LDB1: variants seen among roughly 807,000 people sequenced by gnomAD.
The protein encoded by LDB1 is LIM domain binding 1, also known as LIM domain-binding protein 1.
Under a neutral mutation model 49.7 loss-of-function variants are expected in LDB1, and 6 were observed. The observed-to-expected ratio is 0.12, with a 90% confidence interval of 0.07 to 0.24. The LOEUF is 0.24. LDB1 is among the 10% of genes least tolerant of loss of function. LDB1 has a pLI of 1.00. For missense variants in LDB1, 341 were observed against 561.7 expected (o/e 0.61, Z 3.97); for synonymous variants, 233 against 202.0 (o/e 1.15, Z -1.30).
chr10:102,119,297 C>A (rs1196171189), intron 1 of LDB1, among the ~76,000 whole-genome samples: 1 of 149,420 alleles, frequency 6.7e-6, no homozygotes, highest in Non-Finnish European at 1.5e-5. Flanking sequence ...AGACGCCCTC[C>A]GCCCCCCCCA....
chr10:102,109,375 G>A lies in LDB1; in HGVS notation c.856+9C>T, dbSNP rs2068216849. On this transcript the variant is annotated intron_variant, in intron 9 of 10. Transcript: ENST00000673968. The surrounding 1 kb of genome is among the most constrained non-coding windows in gnomAD (Gnocchi z 5.8). ...GAGATCCTGGTAAGAGCAGGTGCAA[G>A]GCACTCACCAGGGGGTGCTACCATG... 6.2e-7 allele frequency: 1 copy of A among 1,613,866 alleles called. No individual in the cohort carries two copies. The highest frequency in any genetic ancestry group is 1.3e-5 in the African/African-American group (1 of 74,920).
chr10:102,110,672 A>G lies in LDB1; in HGVS notation c.382T>C (p.Phe128Leu). The change falls in exon 6 of 11, where the codon TTC (phenylalanine) becomes CTC (leucine). Residue 128 changes from phenylalanine to leucine, a missense_variant. Transcript: ENST00000673968. ...GCACCCCCCTCAAAGATGCTGCGGA[A>G]GTAGCGTGGGATCAGGGTCCGGCCA... The part of the protein sequence containing the change: ...TIGRTLIPRY[F>L]RSIFEGGATE... 1 of 1,613,756 alleles carries G rather than the reference A, an allele frequency of 6.2e-7. No individual in the cohort carries two copies. Among genetic ancestry groups the G allele is most frequent in the Non-Finnish European group, 8.5e-7 (1 of 1,179,774 alleles).
chr10:102,115,037 C>T (rs1180022726), intron 1 of LDB1: 1 of 163,426 alleles, frequency 6.1e-6, no homozygotes, highest in African/African-American at 2.4e-5. Context: ...GGAGCTGCCC[C>T]CACCGGCCCC....
At chr10:102,110,457 G>A in intron 6 of LDB1, 72 bp downstream of exon 6, 1 of 1,468,818 alleles carries the variant, frequency 6.8e-7, no homozygotes, top group South Asian at 1.3e-5. Context: ...ACAGCTGTGA[G>A]TATACACTGG....
At chr10:102,116,230 G>A (rs1389650958) in intron 1 of LDB1, among the ~76,000 whole-genome samples, 2 of 152,170 alleles carry the variant, frequency 1.3e-5, no homozygotes, top group African/African-American at 4.8e-5. Flanking sequence ...TGCTTAGGCT[G>A]GAGTGCAGTG....
chr10:102,109,096 T>G lies in LDB1; in HGVS notation c.938A>C (p.Asn313Thr), dbSNP rs751055946. ...CTTCTTGCTGTTGCTGTTGTTGGTGTTGCCACCACCAGAGCTCATGGTGCT... is the reference window on the plus strand; with the variant it reads ...CTTCTTGCTGTTGCTGTTGTTGGTGGTGCCACCACCAGAGCTCATGGTGCT... ...GGSTMSSGGG[N>T]TNNSNSKKKS... The change falls in exon 10 of 11, where the codon AAC becomes ACC. Residue 313 changes from asparagine to threonine, a missense_variant. By Grantham distance (65) the Asn-to-Thr change is moderately conservative (BLOSUM62 0). Transcript: ENST00000673968. The surrounding 1 kb of genome is among the most constrained non-coding windows in gnomAD (Gnocchi z 5.8). 5.0e-6 allele frequency: 8 copies of G among 1,614,044 alleles called. No homozygotes were observed. Among genetic ancestry groups the G allele is most frequent in the Non-Finnish European group, 6.8e-6 (8 of 1,180,034 alleles).
intron 1 of LDB1, among the ~76,000 whole-genome samples, chr10:102,111,949 A>C (rs1590284696): frequency 6.6e-6 from 1 of 152,066 alleles, no homozygotes; most frequent in East Asian, 1.9e-4. Context: ...CCCTGGCCTG[A>C]TTATAAGAGA....
chr10:102,103,994 A>C (rs2068136606), downstream of LDB1, among the ~76,000 whole-genome samples: 1 of 151,362 alleles, frequency 6.6e-6, no homozygotes, highest in Non-Finnish European at 1.5e-5. Flanking sequence ...ACTAGGAGGC[A>C]GAGGTTGCAG....
At chr10:102,114,812 G>GGGGGGCCCCCCCC in intron 1 of LDB1, 61 of 929,740 alleles carry the variant, frequency 6.6e-5, no homozygotes, top group South Asian at 9.9e-5. Flanking sequence ...CCTCCGAGCA[G>GGGGGGCCCCCCCC]CCCGCCCGCC....
At chr10:102,108,389 AC>A in intron 10 of LDB1, 66 bp from the exon 11 acceptor site, 4 of 1,314,702 alleles carry the variant, frequency 3.0e-6, no homozygotes, top group East Asian at 4.9e-5. Context: ...GGCGGCAGAT[AC>A]CCCCAGAGCC....
chr10:102,119,090 A>G (rs2068369976), intron 1 of LDB1, among the ~76,000 whole-genome samples: 1 of 152,130 alleles, frequency 6.6e-6, no homozygotes, highest in African/African-American at 2.4e-5. Context: ...GTGGGTGTCC[A>G]GCTGTGAAGT....
intron 1 of LDB1, among the ~76,000 whole-genome samples, chr10:102,115,562 A>C (rs537972015): frequency 2.6e-5 from 4 of 151,470 alleles, no homozygotes; most frequent in African/African-American, 9.7e-5. Context: ...GCTAAATTCC[A>C]AGCCTTGACT....
rs780666243 is a variant in LDB1 at position 102,109,108 on chromosome 10, G to A, written c.926C>T (p.Ser309Phe). 2 of 1,614,188 alleles carry A rather than the reference G, an allele frequency of 1.2e-6. No individual in the cohort carries two copies. The highest frequency in any genetic ancestry group is 1.7e-6 in the Non-Finnish European group (2 of 1,180,036). The change falls in exon 10 of 11, where the codon TCT (serine) becomes TTT (phenylalanine). Residue 309 changes from serine to phenylalanine, a missense_variant. Around this residue, in one of 5 missense-constraint regions of LDB1, gnomAD observed 233 missense variants for 385.7 expected, o/e 0.60. Coordinates refer to ENST00000673968, the MANE Select transcript of LDB1 (RefSeq NM_001113407.3). The surrounding 1 kb of genome is among the most constrained non-coding windows in gnomAD (Gnocchi z 5.8). ...RKMSGGSTMS[S>F]GGGNTNNSNS... ...GCTGTTGTTGGTGTTGCCACCACCA[G>A]AGCTCATGGTGCTGCCCCCTGACAT...
intron 1 of LDB1, among the ~76,000 whole-genome samples, chr10:102,116,056 G>C (rs899808610): frequency 6.6e-6 from 1 of 152,128 alleles, no homozygotes; most frequent in African/African-American, 2.4e-5. Flanking sequence ...TCCAAGGACA[G>C]GATTTCTTAT....
At chr10:102,108,881 C>G in intron 10 of LDB1, 148 bp downstream of exon 10, 1 of 1,047,782 alleles carries the variant, frequency 9.5e-7, no homozygotes, top group South Asian at 1.4e-5. Context: ...AGAACTCTCT[C>G]ACCAGTAAAA....
At position 102,107,874 on chromosome 10, in the gene LDB1, C is replaced by T; in HGVS notation, c.*219G>A. On this transcript the variant is annotated 3_prime_UTR_variant, in exon 11 of 11. Coordinates refer to ENST00000673968, the MANE Select transcript of LDB1 (RefSeq NM_001113407.3). The stretch of plus-strand genomic sequence containing the variant: ...CCAAGTAGGCATCCACATGAGTACC[C>T]CCTCCCCCTAAAAGGCTCTGTAGAG... The T allele has an allele frequency of 1.7e-6, 1 of 591,972 alleles. No individual in the cohort carries two copies. The highest frequency in any genetic ancestry group is 3.0e-6 in the Non-Finnish European group (1 of 331,666). The allele number at this position is 591,972 out of a possible 1,614,324, so 36.7% of individuals were successfully genotyped here. A position where few individuals can be genotyped will look rare whatever the true frequency, so the allele number is the denominator to read the frequency against.
intron 6 of LDB1, 122 bp from the exon 7 acceptor site, chr10:102,110,165 T>A: frequency 9.3e-7 from 1 of 1,071,262 alleles, no homozygotes; most frequent in Non-Finnish European, 1.3e-6. Context: ...ACCTGCACAT[T>A]AAATCTGGGT....
Position 102,111,493 on chromosome 10 carries a change from G to A in LDB1, c.69C>T (p.Pro23=). Residue 23 remains proline (P), a synonymous_variant, in exon 2 of 11, where the codon CCC becomes CCT. Transcript: ENST00000673968. ...AGGGGGGAAAGGCGTTGCCGTTCGG[G>A]GGCTCCTTCGGCGAGTACAGCTTGA... ...KSFKLYSPKE[P]PNGNAFPPFH... 1 of 1,555,582 alleles carries A rather than the reference G, an allele frequency of 6.4e-7. No individual in the cohort carries two copies. Among genetic ancestry groups the A allele is most frequent in the Non-Finnish European group, 8.7e-7 (1 of 1,150,768 alleles).
chr10:102,114,957 T>G (rs1054559614), intron 1 of LDB1: 1 of 506,086 alleles, frequency 2.0e-6, no homozygotes, highest in Admixed American at 6.4e-5. Context: ...TTTCTCTCCC[T>G]GCCTCCCTCC....
Sources: allele counts gnomAD v4.1 joint callset (sites outside exome capture counted in the v4.1 genomes callset), GRCh38; gene constraint gnomAD v4.1.1; regional missense constraint gnomAD v4.1.1; non-coding constraint Gnocchi (gnomAD v3.1); transcripts MANE v1.5; gene names NCBI Gene and HGNC (gene_info 2026-07-23, HGNC 2026-07-21).